Variants in GATAD1 observed in about 807,000 individuals in gnomAD.
The protein encoded by GATAD1 is GATA zinc finger domain containing 1, also known as GATA zinc finger domain-containing protein 1.
GATAD1 carries 12 observed loss-of-function variants against 26.5 expected under a neutral mutation model. The ratio of observed to expected loss-of-function variants is 0.45; its 90% CI spans 0.29 to 0.73. The LOEUF is 0.73. Ranked by LOEUF, GATAD1 falls within the 30% of genes least tolerant of loss-of-function variation. The probability of loss-of-function intolerance (pLI) is 0.10; values close to 1 mark genes in which losing one functional copy is unlikely to be tolerated. For synonymous variants in GATAD1, 129 were observed against 133.1 expected (o/e 0.97, Z 0.21); for missense variants, 266 against 342.1 (o/e 0.78, Z 1.75).
the GATAD1 span, among the ~76,000 whole-genome samples, chr7:92,475,717 C>G: frequency 6.6e-6 from 1 of 152,166 alleles, no homozygotes; most frequent in Non-Finnish European, 1.5e-5. Flanking sequence ...TCTAGTGGTC[C>G]TTTACCAGCA....
Position 92,447,529 on chromosome 7 carries a change from T to G in GATAD1, c.-201T>G. ...TGCCTCGGGCCAGGGAATCCTGGCC[T>G]CCGCCTGCGGAGCCGGCGGAACCCG... On this transcript the variant is annotated 5_prime_UTR_variant, in exon 1 of 5. Transcript: ENST00000287957. The G allele has an allele frequency of 1.9e-6, 1 of 527,980 alleles. No homozygotes were observed. The highest frequency in any genetic ancestry group is 4.0e-5 in the South Asian group (1 of 24,900). The allele number at this position is 527,980 out of a possible 1,614,324, so 32.7% of individuals were successfully genotyped here. A position where few individuals can be genotyped will look rare whatever the true frequency, so the allele number is the denominator to read the frequency against.
intron 3 of GATAD1, among the ~76,000 whole-genome samples, chr7:92,451,599 C>T (rs1328439813): frequency 1.3e-5 from 2 of 152,190 alleles, no homozygotes; most frequent in Non-Finnish European, 2.9e-5. Context: ...AAGTCTGTTC[C>T]TCCCAACAGG....
the GATAD1 span, among the ~76,000 whole-genome samples, chr7:92,465,868 G>A: frequency 1.8e-3 from 269 of 152,080 alleles, no homozygotes; most frequent in African/African-American, 6.2e-3. Context: ...CGGCGTGGTG[G>A]CACATCCCTG....
chr7:92,462,058 A>G (rs775440077), downstream of GATAD1, among the ~76,000 whole-genome samples: 7 of 152,210 alleles, frequency 4.6e-5, no homozygotes, highest in Non-Finnish European at 1.0e-4. Context: ...ATATGTATCT[A>G]TAATCTTAAA....
intron 2 of GATAD1, 167 bp downstream of exon 2, chr7:92,449,044 G>T: frequency 2.0e-6 from 2 of 1,020,960 alleles, no homozygotes; most frequent in East Asian, 2.4e-5. Context: ...GTTGCAGGAG[G>T]CTCACTGTTT....
At chr7:92,463,528 G>C (rs1423481743), downstream of GATAD1, among the ~76,000 whole-genome samples, 1 of 152,056 alleles carries the variant, frequency 6.6e-6, no homozygotes, top group Non-Finnish European at 1.5e-5. Context: ...GCCGGGCATG[G>C]TGGCAGGCAC....
rs1789202272 is a variant in GATAD1 at position 92,447,576 on chromosome 7, C to G, written c.-154C>G. On this transcript the variant is annotated 5_prime_UTR_variant, in exon 1 of 5. Coordinates refer to ENST00000287957, the MANE Select transcript of GATAD1 (RefSeq NM_021167.5). ...CCCGCTTCCCGCCTCCACGGGGCAG[C>G]GCCAGCGGCCTGGTCCTTTCACCGG... The G allele has an allele frequency of 9.7e-7, 1 of 1,031,388 alleles. No homozygotes were observed. Among genetic ancestry groups the G allele is most frequent in the Admixed American group, 4.5e-5 (1 of 22,346 alleles). 63.9% of individuals were successfully genotyped at this position (1,031,388 alleles called of 1,614,324 possible).
At chr7:92,470,939 T>C in the GATAD1 span, 8 of 167,364 alleles carry the variant, frequency 4.8e-5, no homozygotes, top group Non-Finnish European at 5.9e-5. Flanking sequence ...CTTTGAGTGT[T>C]TCATTCATTT....
chr7:92,481,028 A>G, the GATAD1 span, among the ~76,000 whole-genome samples: 3 of 152,202 alleles, frequency 2.0e-5, no homozygotes, highest in Non-Finnish European at 2.9e-5. Flanking sequence ...AGTTAAGGCA[A>G]TCAGTTCGGC....
chr7:92,491,959 TA>T, the GATAD1 span, among the ~76,000 whole-genome samples: 1 of 152,190 alleles, frequency 6.6e-6, no homozygotes, highest in Middle Eastern at 3.2e-3. Flanking sequence ...TTAGAAACTG[TA>T]GGTTCTGTAG....
At position 92,447,886 on chromosome 7, in the gene GATAD1, G is replaced by T. The variant is rs988478105; in HGVS notation, c.157G>T (p.Gly53Trp). The change falls in exon 1 of 5, where the codon GGG becomes TGG. Residue 53 changes from glycine (G) to tryptophan (W), a missense_variant. Transcript: ENST00000287957. ...GAGSGAAGGT[G>W]GSGGGGFGAA... ...AGGCTCGGGGGCGGCTGGAGGGACT[G>T]GGGGCAGCGGCGGCGGCGGCTTCGG... 16 of 1,278,914 alleles carry T rather than the reference G, an allele frequency of 1.3e-5. No homozygotes were observed. The Admixed American group carries it at 6.4e-4, about 51-fold the overall frequency. The allele number at this position is 1,278,914 out of a possible 1,614,324, so 79.2% of individuals were successfully genotyped here.
At chr7:92,449,150 A>T in intron 2 of GATAD1, 1 of 1,115,824 alleles carries the variant, frequency 9.0e-7, no homozygotes, top group Non-Finnish European at 1.1e-6. Context: ...ATCAACCTTG[A>T]GCCCATTTTT....
rs1378180991 is a variant in GATAD1 at position 92,447,635 on chromosome 7, A to C, written c.-95A>C. The C allele has an allele frequency of 7.6e-7, 1 of 1,311,472 alleles. No individual in the cohort carries two copies. Among genetic ancestry groups the C allele is most frequent in the Non-Finnish European group, 9.8e-7 (1 of 1,024,404 alleles). 81.2% of individuals were successfully genotyped at this position (1,311,472 alleles called of 1,614,324 possible). ...TGCCGACGCTCTCACCGCTCTTCCT[A>C]TCGCCGGGAGTGGCGGGCCGACCAG... On this transcript the variant is annotated 5_prime_UTR_variant, in exon 1 of 5. Transcript: ENST00000287957.
At chr7:92,491,234 A>G in the GATAD1 span, 124 of 1,332,714 alleles carry the variant, frequency 9.3e-5, no homozygotes, top group East Asian at 2.6e-3. Flanking sequence ...ATATAGCTTT[A>G]TATTTCAGAA....
chr7:92,486,356 A>AACTT, the GATAD1 span, among the ~76,000 whole-genome samples: 2 of 152,174 alleles, frequency 1.3e-5, no homozygotes, highest in Admixed American at 6.5e-5. Context: ...ACCCTTCATG[A>AACTT]ACTTACTAAA....
chr7:92,476,216 A>C, the GATAD1 span, among the ~76,000 whole-genome samples: 2 of 152,190 alleles, frequency 1.3e-5, no homozygotes, highest in African/African-American at 4.8e-5. Flanking sequence ...CCCATACTTT[A>C]AGATTTTTGA....
the GATAD1 span, among the ~76,000 whole-genome samples, chr7:92,479,151 A>T: frequency 6.6e-6 from 1 of 150,544 alleles, no homozygotes; most frequent in Non-Finnish European, 1.5e-5. Context: ...TGCGTATTAA[A>T]CTCTCTGCTC....
chr7:92,460,776 CAAAAAAAAA>C (rs557542327), downstream of GATAD1, among the ~76,000 whole-genome samples: 10 of 63,344 alleles, frequency 1.6e-4, no homozygotes, highest in Non-Finnish European at 2.7e-4. Context: ...GACCTTCTCT[CAAAAAAAAA>C]AAAAAAAAAA....
At chr7:92,483,176 A>T in the GATAD1 span, among the ~76,000 whole-genome samples, 7 of 152,292 alleles carry the variant, frequency 4.6e-5, no homozygotes, top group Non-Finnish European at 1.0e-4. Flanking sequence ...GGTCCTGCAC[A>T]AATGGGACGT....
Sources: allele counts gnomAD v4.1 joint callset (sites outside exome capture counted in the v4.1 genomes callset), GRCh38; gene constraint gnomAD v4.1.1; transcripts MANE v1.5; gene names NCBI Gene and HGNC (gene_info 2026-07-23, HGNC 2026-07-21).